The following BCO1 variants were observed in gnomAD, a reference collection of about 807,000 sequenced individuals.
BCO1 encodes the protein beta-carotene oxygenase 1.
In BCO1, 54 loss-of-function variants were observed where a neutral mutation model predicts 56.3. That is an observed-to-expected ratio of 0.96 (90% CI 0.77 to 1.20). The LOEUF (loss-of-function observed/expected upper bound fraction) is 1.20, where lower values mean the gene tolerates loss of function less well. Among genes scored for constraint, BCO1 ranks in the 50% most tolerant of loss-of-function variants. The probability of loss-of-function intolerance (pLI) is 0.00; values close to 1 mark genes in which losing one functional copy is unlikely to be tolerated. For synonymous variants in BCO1, 318 were observed against 266.1 expected (o/e 1.20, Z -1.90); for missense variants, 801 against 690.9 (o/e 1.16, Z -1.79).
chr16:81,259,735 G>A lies in BCO1; in HGVS notation c.253G>A (p.Ala85Thr), dbSNP rs1906367927. Residue 85 changes from alanine to threonine, a missense_variant, in exon 3 of 11, where the codon GCA (alanine) becomes ACA (threonine). By Grantham distance (58) the Ala-to-Thr change is moderately conservative. Coordinates refer to ENST00000258168, the MANE Select transcript of BCO1 (RefSeq NM_017429.3). Reference sequence around the variant, plus strand: ...CGATACCTACAACACCAATATTGAGGCAAACAGGATTGTGGTGTCTGAGTT... The same window carrying A: ...CGATACCTACAACACCAATATTGAGACAAACAGGATTGTGGTGTCTGAGTT... ...RSDTYNTNIE[A>T]NRIVVSEFGT... is the part of the protein sequence containing the mutation. The A allele has an allele frequency of 1.9e-6, 3 of 1,614,056 alleles. No homozygotes were observed. Among genetic ancestry groups the A allele is most frequent in the Non-Finnish European group, 2.5e-6 (3 of 1,180,042 alleles).
rs138840753 is a variant in BCO1, at chr16:81,267,985, C to T, written c.697C>T (p.Pro233Ser). 6.2e-6 allele frequency: 10 copies of T among 1,613,902 alleles called. No individual in the cohort carries two copies. The African/African-American group carries it at 1.3e-4, about 22-fold the overall frequency. ...CSIPSRSLLS[P>S]SYYHSFGVTE... ...CATCCCATCCCGCTCCCTGCTCTCC[C>T]CAAGCTACTACCACAGCTTTGGAGT... The change falls in exon 6 of 11, where the codon CCA becomes TCA. Residue 233 changes from proline (P) to serine (S), a missense_variant. Physicochemically the swap from Pro to Ser is moderately conservative, Grantham distance 74. Coordinates refer to ENST00000258168, the MANE Select transcript of BCO1 (RefSeq NM_017429.3).
intron 2 of BCO1, among the ~76,000 whole-genome samples, chr16:81,254,432 T>G (rs1179537835): frequency 6.7e-6 from 1 of 148,246 alleles, no homozygotes; most frequent in Admixed American, 6.9e-5. Context: ...ATTACAGGCA[T>G]AAGCCACCAC....
intron 7 of BCO1, among the ~76,000 whole-genome samples, chr16:81,279,295 T>C (rs1207166437): frequency 6.6e-6 from 1 of 151,986 alleles, no homozygotes; most frequent in Non-Finnish European, 1.5e-5. Context: ...AAATAGAAGC[T>C]ATCTTAGAAA....
At chr16:81,278,112 G>A (rs958661992) in intron 7 of BCO1, among the ~76,000 whole-genome samples, 1 of 152,110 alleles carries the variant, frequency 6.6e-6, no homozygotes, top group Admixed American at 6.5e-5. Context: ...CGCGATCTCG[G>A]CTCATTGCAA....
chr16:81,271,611 T>C (rs1292683600), intron 7 of BCO1, among the ~76,000 whole-genome samples: 1 of 152,188 alleles, frequency 6.6e-6, no homozygotes, highest in Non-Finnish European at 1.5e-5. Context: ...TTGCCCTTTC[T>C]AGACATCACG....
chr16:81,249,671 GA>G (rs1359520296), intron 2 of BCO1, among the ~76,000 whole-genome samples: 1 of 152,208 alleles, frequency 6.6e-6, no homozygotes, highest in East Asian at 1.9e-4. Flanking sequence ...AAAGTGCTGG[GA>G]TTACAGGCGT....
In BCO1 at chr16:81,290,384, A is replaced by C. The variant is rs967088093; in HGVS notation, c.1451A>C (p.Gln484Pro). ...ILSAIVSTDP[Q>P]KLPFLLILDA... is the part of the protein sequence containing the mutation. Reference sequence around the variant, plus strand: ...TCAGCCATTGTCTCTACTGATCCCCAAAAGCTGCCTTTTCTGCTCATTCTG... The same window carrying C: ...TCAGCCATTGTCTCTACTGATCCCCCAAAGCTGCCTTTTCTGCTCATTCTG... The change falls in exon 11 of 11, where the codon CAA (glutamine) becomes CCA (proline). Residue 484 changes from glutamine (Q) to proline (P), a missense_variant. Gln to Pro is a moderately conservative substitution (Grantham distance 76, BLOSUM62 -1). Transcript: ENST00000258168. 1.2e-6 allele frequency: 2 copies of C among 1,614,172 alleles called. No homozygotes were observed. The highest frequency in any genetic ancestry group is 3.3e-5 in the Admixed American group (2 of 60,030).
chr16:81,252,418 G>C (rs1905863890), intron 2 of BCO1, among the ~76,000 whole-genome samples: 1 of 152,070 alleles, frequency 6.6e-6, no homozygotes, highest in Non-Finnish European at 1.5e-5. Context: ...ACCATGCCCA[G>C]CTAATTTTTA....
At chr16:81,249,362 T>C (rs955073587) in intron 2 of BCO1, among the ~76,000 whole-genome samples, 1 of 152,146 alleles carries the variant, frequency 6.6e-6, no homozygotes, top group Non-Finnish European at 1.5e-5. Flanking sequence ...GTTCACGCCA[T>C]TCTCCTGTGT....
At chr16:81,253,903 C>A (rs1030680823) in intron 2 of BCO1, among the ~76,000 whole-genome samples, 9 of 152,116 alleles carry the variant, frequency 5.9e-5, no homozygotes, top group African/African-American at 2.2e-4. Flanking sequence ...ATTGAGGCTG[C>A]AGTGAGCTGT....
intron 6 of BCO1, among the ~76,000 whole-genome samples, chr16:81,269,922 G>A (rs1907079510): frequency 6.6e-6 from 1 of 152,198 alleles, no homozygotes; most frequent in South Asian, 2.1e-4. Context: ...AAAGACTCTG[G>A]CAGCAAAGCA....
chr16:81,283,402 C>T (rs542708335), intron 8 of BCO1, among the ~76,000 whole-genome samples: 1 of 151,520 alleles, frequency 6.6e-6, no homozygotes, highest in Admixed American at 6.6e-5. Flanking sequence ...CCAGCCTGGA[C>T]AACATGGCAA....
chr16:81,280,325 ACAC>A (rs1907806010), intron 7 of BCO1, among the ~76,000 whole-genome samples: 1 of 2,036 alleles, frequency 4.9e-4, no homozygotes, highest in Non-Finnish European at 0.013. Context: ...ACACACACAG[ACAC>A]ACACACACAC....
chr16:81,269,863 AC>A (rs1295972159), intron 6 of BCO1, among the ~76,000 whole-genome samples: 6 of 152,178 alleles, frequency 3.9e-5, no homozygotes, highest in Non-Finnish European at 7.4e-5. Context: ...GAACAAGGGG[AC>A]CGTGCACACT....
intron 4 of BCO1, 71 bp downstream of exon 4, chr16:81,262,354 G>C: frequency 6.5e-7 from 1 of 1,541,500 alleles, no homozygotes; most frequent in African/African-American, 1.4e-5. Flanking sequence ...GCCGGGGTGA[G>C]GTTGCTCAGC....
At chr16:81,245,917 C>CA (rs142174929) in intron 2 of BCO1, among the ~76,000 whole-genome samples, 5,160 of 129,206 alleles carry the variant, frequency 0.04, 111 homozygotes, top group Non-Finnish European at 0.059. Context: ...AGCTGGAGTG[C>CA]AATGGTGCAA....
chr16:81,278,796 C>G (rs1907702347), intron 7 of BCO1, among the ~76,000 whole-genome samples: 1 of 152,210 alleles, frequency 6.6e-6, no homozygotes, highest in Admixed American at 6.5e-5. Context: ...GGCACAGGGT[C>G]TGCTTCTCTC....
At chr16:81,287,439 C>T (rs1908249533) in intron 10 of BCO1, 33 bp downstream of exon 10, 14 of 1,533,954 alleles carry the variant, frequency 9.1e-6, no homozygotes, top group Admixed American at 1.7e-5. Context: ...CTAGTTGCTG[C>T]ACGTTACTGC....
intron 2 of BCO1, among the ~76,000 whole-genome samples, chr16:81,250,870 C>A (rs924807326): frequency 6.6e-6 from 1 of 152,008 alleles, no homozygotes; most frequent in Admixed American, 6.6e-5. Context: ...TGTGAGCCAC[C>A]GCGTCTGGCC....
Sources: gnomAD v4.1 joint callset for allele counts (sites outside exome capture counted in the v4.1 genomes callset) on GRCh38, gnomAD v4.1.1 for gene constraint, MANE v1.5 for transcripts, NCBI Gene and HGNC (gene_info 2026-07-23, HGNC 2026-07-21) for gene names.